ZNF385B: variants seen among roughly 807,000 people sequenced by gnomAD.
ZNF385B encodes the protein zinc finger protein 385B.
ZNF385B carries 23 observed loss-of-function variants against 39.2 expected under a neutral mutation model. The ratio of observed to expected loss-of-function variants is 0.59; its 90% CI spans 0.42 to 0.83. ZNF385B has a LOEUF of 0.83. ZNF385B is among the 40% of genes least tolerant of loss of function. ZNF385B has a pLI of 0.00. For synonymous variants in ZNF385B, 205 were observed against 222.6 expected (o/e 0.92, Z 0.70); for missense variants, 552 against 598.9 (o/e 0.92, Z 0.82).
chr2:179,605,608 G>A (rs926418181), intron 3 of ZNF385B, among the ~76,000 whole-genome samples: 1 of 152,050 alleles, frequency 6.6e-6, no homozygotes. Context: ...GCAGTGGCAG[G>A]CTCTGAATAG....
chr2:179,632,728 A>G (rs1231443676), intron 3 of ZNF385B, among the ~76,000 whole-genome samples: 1 of 152,192 alleles, frequency 6.6e-6, no homozygotes, highest in Non-Finnish European at 1.5e-5. Flanking sequence ...AGATGGAGAC[A>G]CAAAAAAACC....
chr2:179,704,940 T>C (rs898451330), intron 3 of ZNF385B, among the ~76,000 whole-genome samples: 1 of 152,164 alleles, frequency 6.6e-6, no homozygotes, highest in Non-Finnish European at 1.5e-5. Flanking sequence ...TATCTAACAC[T>C]TGGTCACCTC....
intron 6 of ZNF385B, among the ~76,000 whole-genome samples, chr2:179,461,868 AT>A (rs2051377727): frequency 6.6e-6 from 1 of 152,134 alleles, no homozygotes. Flanking sequence ...GAATTTCTAA[AT>A]CCATGCCATT....
intron 1 of ZNF385B, among the ~76,000 whole-genome samples, chr2:179,821,382 G>C (rs1364517285): frequency 6.6e-6 from 1 of 152,164 alleles, no homozygotes; most frequent in African/African-American, 2.4e-5. Flanking sequence ...TCCAACAAAG[G>C]ATGCAGTGGG....
intron 3 of ZNF385B, among the ~76,000 whole-genome samples, chr2:179,647,499 G>C (rs72969229): frequency 0.064 from 9,738 of 152,094 alleles, 420 homozygotes; most frequent in Non-Finnish European, 0.089. Flanking sequence ...CTCTAAATAA[G>C]TAAGAAGTGA....
rs988743538 is a variant in ZNF385B, at chr2:179,443,113, A to C, written c.*137T>G. ...ATCTAGTGATGTGTTTCTCTCTGGA[A>C]TTGGGGGACTGGGTGGTGGGCTGCA... On this transcript the variant is annotated 3_prime_UTR_variant, in exon 10 of 10. Coordinates refer to ENST00000410066, the MANE Select transcript of ZNF385B (RefSeq NM_152520.6). 5 of 900,070 alleles carry C rather than the reference A, an allele frequency of 5.6e-6. No homozygotes were observed. The highest frequency in any genetic ancestry group is 3.3e-5 in the African/African-American group (2 of 60,094). 55.8% of individuals were successfully genotyped at this position (900,070 alleles called of 1,614,324 possible).
intron 3 of ZNF385B, among the ~76,000 whole-genome samples, chr2:179,550,378 C>G (rs907183892): frequency 3.3e-5 from 5 of 149,350 alleles, no homozygotes; most frequent in Non-Finnish European, 5.9e-5. Flanking sequence ...CAGGGAACTT[C>G]ACAAACAGAT....
intron 3 of ZNF385B, among the ~76,000 whole-genome samples, chr2:179,698,674 G>A (rs1484244687): frequency 6.6e-6 from 1 of 152,128 alleles, no homozygotes; most frequent in Non-Finnish European, 1.5e-5. Context: ...AAAGAGGAGT[G>A]ATCATAATAA....
chr2:179,854,003 G>A (rs890610509), intron 1 of ZNF385B, among the ~76,000 whole-genome samples: 4 of 152,144 alleles, frequency 2.6e-5, no homozygotes, highest in African/African-American at 9.7e-5. Context: ...ATTTCCAGAT[G>A]TCTAAGAACA....
intron 6 of ZNF385B, among the ~76,000 whole-genome samples, chr2:179,467,614 A>G (rs775206283): frequency 1.6e-4 from 25 of 152,156 alleles, no homozygotes; most frequent in Non-Finnish European, 2.5e-4. Context: ...CAGTGCCCAC[A>G]TTATCATGCC....
chr2:179,601,257 G>A (rs1688387475), intron 3 of ZNF385B, among the ~76,000 whole-genome samples: 1 of 152,140 alleles, frequency 6.6e-6, no homozygotes, highest in Admixed American at 6.6e-5. Context: ...GAGGGAAGAG[G>A]AGTAAGCGTT....
chr2:179,608,224 C>T (rs1489625999), intron 3 of ZNF385B, among the ~76,000 whole-genome samples: 1 of 152,124 alleles, frequency 6.6e-6, no homozygotes, highest in Admixed American at 6.6e-5. Context: ...TTCTCAGAAA[C>T]TCTTAACTGC....
At chr2:179,597,189 T>C (rs900457258) in intron 3 of ZNF385B, among the ~76,000 whole-genome samples, 1 of 152,214 alleles carries the variant, frequency 6.6e-6, no homozygotes, top group Non-Finnish European at 1.5e-5. Flanking sequence ...TCTGATTTCT[T>C]ACATTTTTAG....
At position 179,642,044 on chromosome 2, in the gene ZNF385B, A is replaced by G. The variant is rs150380114; in HGVS notation, c.299-97075T>C. Among the ~76,000 whole-genome samples the G allele has an allele frequency of 9.2e-5, 14 of 152,258 alleles. No individual in the cohort carries two copies. The East Asian group carries it at 2.7e-3, about 29-fold the overall frequency. On this transcript the variant is annotated intron_variant, in intron 3 of 9. Transcript: ENST00000410066. ...ATCTTGCAAGGGGCTCTGAGAAACCATATGAAACTGACGACTGATTTAGAA... is the reference window on the plus strand; with the variant it reads ...ATCTTGCAAGGGGCTCTGAGAAACCGTATGAAACTGACGACTGATTTAGAA...
chr2:179,517,967 A>C (rs182221370), intron 5 of ZNF385B, among the ~76,000 whole-genome samples: 1 of 152,322 alleles, frequency 6.6e-6, no homozygotes, highest in Admixed American at 6.5e-5. Flanking sequence ...GTATTTAACA[A>C]AATTTGACAC....
At chr2:179,457,237 C>T (rs1455693398) in intron 6 of ZNF385B, among the ~76,000 whole-genome samples, 3 of 151,998 alleles carry the variant, frequency 2.0e-5, no homozygotes, top group Admixed American at 6.6e-5. Context: ...TGGGTAGTAC[C>T]CCATTGTATG....
At chr2:179,731,759 C>T (rs1371980722) in intron 3 of ZNF385B, among the ~76,000 whole-genome samples, 3 of 152,194 alleles carry the variant, frequency 2.0e-5, no homozygotes, top group South Asian at 2.1e-4. Flanking sequence ...GGCACTCCCA[C>T]GTGGGCATCA....
At chr2:179,837,891 T>A (rs764502274) in intron 1 of ZNF385B, among the ~76,000 whole-genome samples, 1 of 152,226 alleles carries the variant, frequency 6.6e-6, no homozygotes, top group Non-Finnish European at 1.5e-5. Flanking sequence ...CGTTCTATCA[T>A]CACTATAATT....
intron 3 of ZNF385B, among the ~76,000 whole-genome samples, chr2:179,591,280 CT>C (rs1054273423): frequency 2.0e-5 from 3 of 151,142 alleles, no homozygotes; most frequent in East Asian, 1.9e-4. Context: ...GGTTTCAAAA[CT>C]TTTTTTTTCA....
Sources: gnomAD v4.1 joint callset for allele counts (sites outside exome capture counted in the v4.1 genomes callset) on GRCh38, gnomAD v4.1.1 for gene constraint, MANE v1.5 for transcripts, NCBI Gene and HGNC (gene_info 2026-07-23, HGNC 2026-07-21) for gene names.